C9orf85: variants seen among roughly 807,000 people sequenced by gnomAD.
C9orf85 encodes the protein uncharacterized protein C9orf85.
A neutral mutation model predicts 14.9 loss-of-function variants in C9orf85; 16 were observed. That is an observed-to-expected ratio of 1.08 (90% CI 0.73 to 1.63). C9orf85 has a LOEUF of 1.63. Among genes scored for constraint, C9orf85 ranks in the 40% most tolerant of loss-of-function variants. C9orf85 has a pLI of 0.00. For synonymous variants in C9orf85, 45 were observed against 56.8 expected, an observed-to-expected ratio of 0.79 and a Z score of 0.93; for missense variants, 172 against 186.1, an observed-to-expected ratio of 0.92 and a Z score of 0.44.
intron 2 of C9orf85, among the ~76,000 whole-genome samples, chr9:71,953,110 T>C (rs1220410558): frequency 6.6e-6 from 1 of 151,798 alleles, no homozygotes; most frequent in African/African-American, 2.4e-5. Context: ...AGACCAGGGA[T>C]GCTGCTAAAC....
In C9orf85 at chr9:71,911,690, C is replaced by T. The variant is rs971221076; in HGVS notation, c.-45C>T. On this transcript the variant is annotated 5_prime_UTR_variant, in exon 1 of 4. Transcript: ENST00000334731. ...GTAGTTCGTTGGTTTTCTTTCCCCT[C>T]ATCCTTTTGCCTGCTCCCGGCGAGG... is the stretch of plus-strand genomic sequence containing the variant. 3 of 1,539,314 alleles carry T rather than the reference C, an allele frequency of 1.9e-6. No homozygotes were observed. Among genetic ancestry groups the T allele is most frequent in the East Asian group, 2.2e-5 (1 of 44,502 alleles).
intron 2 of C9orf85, among the ~76,000 whole-genome samples, chr9:71,949,711 G>A (rs1822197169): frequency 6.6e-6 from 1 of 152,218 alleles, no homozygotes; most frequent in African/African-American, 2.4e-5. Flanking sequence ...TTTGATGGGA[G>A]TGGAAAATCA....
intron 1 of C9orf85, among the ~76,000 whole-genome samples, chr9:71,944,026 A>G (rs1452192462): frequency 6.6e-6 from 1 of 151,908 alleles, no homozygotes; most frequent in Non-Finnish European, 1.5e-5. Context: ...ACTTGAGGCC[A>G]GGAGTTCGAG....
chr9:71,917,702 A>G (rs13299567), intron 1 of C9orf85, among the ~76,000 whole-genome samples: 17,771 of 152,232 alleles, frequency 0.12, 1,150 homozygotes, highest in Middle Eastern at 0.16. Flanking sequence ...ACCAGATACA[A>G]AAGAGCATAC....
In C9orf85 at chr9:71,911,669, T is replaced by A. The variant is rs1054528948; in HGVS notation, c.-66T>A. The A allele has an allele frequency of 8.2e-6, 11 of 1,335,984 alleles. No homozygotes were observed. Among genetic ancestry groups the A allele is most frequent in the Middle Eastern group, 3.6e-4 (2 of 5,560 alleles). The allele number at this position is 1,335,984 out of a possible 1,614,324, so 82.8% of individuals were successfully genotyped here. On this transcript the variant is annotated 5_prime_UTR_variant, in exon 1 of 4. Transcript: ENST00000334731. ...CAGAAGCGTCAATTCCTGGGAGTAG[T>A]TCGTTGGTTTTCTTTCCCCTCATCC...
chr9:71,976,794 G>A (rs1226239750), downstream of C9orf85, among the ~76,000 whole-genome samples: 9 of 151,346 alleles, frequency 5.9e-5, no homozygotes, highest in African/African-American at 1.9e-4. Context: ...GCTGCATATG[G>A]CAAAAAGCCA....
chr9:71,932,941 AAG>A (rs1316461340), intron 1 of C9orf85, among the ~76,000 whole-genome samples: 6 of 152,178 alleles, frequency 3.9e-5, no homozygotes, highest in African/African-American at 1.2e-4. Flanking sequence ...AGAAACCAAA[AAG>A]AAATTCTGGA....
chr9:71,920,451 G>A (rs1354417852), intron 1 of C9orf85, among the ~76,000 whole-genome samples: 1 of 152,160 alleles, frequency 6.6e-6, no homozygotes, highest in East Asian at 1.9e-4. Flanking sequence ...TAATCTAAAA[G>A]AAAGTTGTAA....
chr9:71,953,936 A>G (rs1822309853), intron 2 of C9orf85, among the ~76,000 whole-genome samples: 1 of 151,906 alleles, frequency 6.6e-6, no homozygotes, highest in Non-Finnish European at 1.5e-5. Context: ...TCATATCTAC[A>G]AATAATTTTA....
intron 1 of C9orf85, chr9:71,941,913 C>T (rs922692113): frequency 3.3e-5 from 5 of 152,108 alleles, no homozygotes; most frequent in African/African-American, 1.2e-4. Flanking sequence ...TACCTGTACC[C>T]ATACACACAA....
In C9orf85 at chr9:71,972,891, C is replaced by G. The variant is rs763112422; in HGVS notation, c.*49C>G. The G allele has an allele frequency of 3.3e-6, 5 of 1,502,276 alleles. No homozygotes were observed. Among genetic ancestry groups the G allele is most frequent in the African/African-American group, 1.4e-5 (1 of 70,870 alleles). The allele number at this position is 1,502,276 out of a possible 1,614,324, so 93.1% of individuals were successfully genotyped here. On this transcript the variant is annotated 3_prime_UTR_variant, in exon 4 of 4. Transcript: ENST00000334731. Reference sequence around the variant, plus strand: ...GGGCACAGTGGCTCACGCCTGTAATCCCAACACTTTGGGAGGCCAAGGAGG... The same window carrying G: ...GGGCACAGTGGCTCACGCCTGTAATGCCAACACTTTGGGAGGCCAAGGAGG...
chr9:71,922,087 C>A (rs1166843191), intron 1 of C9orf85, among the ~76,000 whole-genome samples: 1 of 151,956 alleles, frequency 6.6e-6, no homozygotes, highest in African/African-American at 2.4e-5. Context: ...ATTACAGTCG[C>A]CCACCACAGC....
chr9:71,976,723 CCAGGATTTTTTTTTTTTCAACTCCT>C (rs1682229283), downstream of C9orf85, among the ~76,000 whole-genome samples: 1 of 78,810 alleles, frequency 1.3e-5, no homozygotes, highest in African/African-American at 3.7e-5. Flanking sequence ...GGAATATAGC[CCAGGATTTTTTTTTTTTCAACTCCT>C]CAGGTGATTC....
chr9:71,963,785 G>A (rs939479237), intron 2 of C9orf85, among the ~76,000 whole-genome samples: 1 of 152,232 alleles, frequency 6.6e-6, no homozygotes, highest in African/African-American at 2.4e-5. Context: ...GCGGGGCAGA[G>A]CTCGGGACCT....
chr9:71,944,144 G>A (rs1180208318), intron 1 of C9orf85, among the ~76,000 whole-genome samples: 3 of 151,666 alleles, frequency 2.0e-5, no homozygotes, highest in Non-Finnish European at 4.4e-5. Context: ...CGAGACAGGA[G>A]GATTGCATGA....
intron 2 of C9orf85, among the ~76,000 whole-genome samples, chr9:71,962,612 G>A (rs1453028659): frequency 6.6e-6 from 1 of 152,228 alleles, no homozygotes; most frequent in East Asian, 1.9e-4. Flanking sequence ...TGCCAGAAGA[G>A]TTGTAATCAC....
At chr9:71,967,488 T>A (rs1420470456) in intron 2 of C9orf85, among the ~76,000 whole-genome samples, 1 of 152,202 alleles carries the variant, frequency 6.6e-6, no homozygotes. Flanking sequence ...TTTTGGCTGT[T>A]GTAATTTCTT....
intron 1 of C9orf85, among the ~76,000 whole-genome samples, chr9:71,924,407 C>T (rs1214402002): frequency 4.6e-5 from 7 of 152,076 alleles, no homozygotes; most frequent in African/African-American, 9.7e-5. Flanking sequence ...ACTTGTATGA[C>T]GCATTTTCTG....
intron 1 of C9orf85, among the ~76,000 whole-genome samples, chr9:71,916,095 T>A (rs1437742231): frequency 6.6e-6 from 1 of 152,138 alleles, no homozygotes; most frequent in Admixed American, 6.5e-5. Context: ...CAAATAATCT[T>A]TCAAGTATGT....
Sources: gnomAD v4.1 joint callset for allele counts (sites outside exome capture counted in the v4.1 genomes callset) on GRCh38, gnomAD v4.1.1 for gene constraint, MANE v1.5 for transcripts, NCBI Gene and HGNC (gene_info 2026-07-23, HGNC 2026-07-21) for gene names.